Variants in PDGFD observed in about 807,000 individuals in gnomAD.
PDGFD encodes platelet-derived growth factor D.
A neutral mutation model predicts 44.7 loss-of-function variants in PDGFD; 30 were observed. The ratio of observed to expected loss-of-function variants is 0.67; its 90% confidence interval spans 0.50 to 0.91. The LOEUF is 0.91. Among genes scored for constraint, PDGFD ranks in the 40% least tolerant of loss-of-function variants. PDGFD has a pLI of 0.00. For missense variants in PDGFD, 445 were observed against 457.8 expected (o/e 0.97, Z 0.25); for synonymous variants, 173 against 168.4 (o/e 1.03, Z -0.21).
intron 1 of PDGFD, among the ~76,000 whole-genome samples, chr11:104,113,524 A>G (rs903740176): frequency 8.6e-5 from 13 of 151,782 alleles, no homozygotes; most frequent in Non-Finnish European, 1.9e-4. Context: ...GTACACAAGG[A>G]TATCTTGGTT....
chr11:103,957,503 A>C (rs958986168), intron 3 of PDGFD, among the ~76,000 whole-genome samples: 6 of 152,142 alleles, frequency 3.9e-5, no homozygotes, highest in African/African-American at 1.4e-4. Flanking sequence ...AGCATGGTAC[A>C]GGTACCAAAA....
intron 1 of PDGFD, among the ~76,000 whole-genome samples, chr11:104,017,529 C>A (rs11226114): frequency 0.023 from 3,470 of 152,134 alleles, 58 homozygotes; most frequent in South Asian, 0.042. Flanking sequence ...CTGTTCTGCC[C>A]GATCCAACAT....
intron 3 of PDGFD, among the ~76,000 whole-genome samples, chr11:103,948,160 C>T (rs1255208892): frequency 1.3e-5 from 2 of 152,152 alleles, no homozygotes; most frequent in Non-Finnish European, 2.9e-5. Flanking sequence ...TCATTATTGA[C>T]ATATAGTTGG....
chr11:103,971,503 A>G (rs183330366), intron 3 of PDGFD, among the ~76,000 whole-genome samples: 1 of 152,148 alleles, frequency 6.6e-6, no homozygotes, highest in African/African-American at 2.4e-5. Flanking sequence ...ATTTTCTCTT[A>G]CATGATAATT....
intron 6 of PDGFD, among the ~76,000 whole-genome samples, chr11:103,912,131 C>T (rs1444215982): frequency 1.3e-5 from 2 of 152,038 alleles, no homozygotes; most frequent in African/African-American, 2.4e-5. Flanking sequence ...ATGGAGAACA[C>T]CATAAAGATA....
chr11:103,922,789 C>T (rs1208029798), intron 6 of PDGFD, among the ~76,000 whole-genome samples: 3 of 151,792 alleles, frequency 2.0e-5, no homozygotes. Flanking sequence ...TATGTTGACC[C>T]GGTTGATCTT....
chr11:104,079,825 GAATT>G (rs879448214), intron 1 of PDGFD, among the ~76,000 whole-genome samples: 2 of 152,030 alleles, frequency 1.3e-5, no homozygotes, highest in Non-Finnish European at 2.9e-5. Context: ...ATCCATGAAT[GAATT>G]ATTAATGGTA....
chr11:103,950,916 T>C (rs573350143), intron 3 of PDGFD, among the ~76,000 whole-genome samples: 1 of 152,346 alleles, frequency 6.6e-6, no homozygotes, highest in East Asian at 1.9e-4. Flanking sequence ...TTTCAGTTCA[T>C]TTCCTTGCAT....
At chr11:104,089,796 C>T (rs1057044185) in intron 1 of PDGFD, among the ~76,000 whole-genome samples, 4 of 152,128 alleles carry the variant, frequency 2.6e-5, no homozygotes, top group Admixed American at 2.6e-4. Context: ...TAAATAAAAG[C>T]CTCCAAGCTA....
chr11:104,035,732 T>G (rs994846643), intron 1 of PDGFD, among the ~76,000 whole-genome samples: 9 of 152,118 alleles, frequency 5.9e-5, no homozygotes, highest in African/African-American at 2.2e-4. Flanking sequence ...ACAAAATGTC[T>G]CATCTTTCTC....
chr11:104,034,962 T>TA (rs1006051597), intron 1 of PDGFD, among the ~76,000 whole-genome samples: 6 of 151,952 alleles, frequency 3.9e-5, no homozygotes, highest in African/African-American at 1.5e-4. Flanking sequence ...TTATTAAACA[T>TA]AGAGAAAAAT....
chr11:103,934,285 C>T (rs1404240685), intron 5 of PDGFD, among the ~76,000 whole-genome samples: 3 of 152,162 alleles, frequency 2.0e-5, no homozygotes, highest in Non-Finnish European at 2.9e-5. Context: ...GGTATGCCCA[C>T]ATTATTACTG....
At chr11:104,005,003 C>A (rs1468790397) in intron 1 of PDGFD, among the ~76,000 whole-genome samples, 1 of 151,616 alleles carries the variant, frequency 6.6e-6, no homozygotes, top group South Asian at 2.1e-4. Flanking sequence ...CTCAGCCTCC[C>A]GAGTAGCTGG....
rs1338306768 is a variant in PDGFD, at chr11:103,996,224, T to C, written c.351A>G (p.Glu117=). The change falls in exon 3 of 7, where the codon GAA becomes GAG. Residue 117 remains glutamate (E), a synonymous_variant. Transcript: ENST00000393158. The stretch of plus-strand genomic sequence containing the variant: ...TAATGGTACTGGTTTCGGATATATC[T>C]TCAACTTCCACAAAATCATACCTAG... ...DICRYDFVEV[E]DISETSTIIR... is the part of the protein sequence containing the mutation. 2 of 1,611,136 alleles carry C rather than the reference T, an allele frequency of 1.2e-6. No individual in the cohort carries two copies. Among genetic ancestry groups the C allele is most frequent in the Non-Finnish European group, 1.7e-6 (2 of 1,178,736 alleles).
intron 1 of PDGFD, among the ~76,000 whole-genome samples, chr11:104,046,257 A>G (rs979153201): frequency 4.1e-5 from 6 of 147,784 alleles, no homozygotes; most frequent in African/African-American, 1.5e-4. Flanking sequence ...TGAACCAACC[A>G]GTTCTTCAAT....
At chr11:104,057,780 G>GCTA (rs1328251930) in intron 1 of PDGFD, among the ~76,000 whole-genome samples, 7 of 152,060 alleles carry the variant, frequency 4.6e-5, no homozygotes, top group African/African-American at 1.7e-4. Context: ...TTATTACAAA[G>GCTA]CTACAGTAAT....
intron 1 of PDGFD, among the ~76,000 whole-genome samples, chr11:104,045,915 G>A (rs77942836): frequency 0.012 from 1,738 of 146,754 alleles, 207 homozygotes; most frequent in Admixed American, 0.021. Flanking sequence ...TGGTTGAGGA[G>A]GGGAAGAAAC....
intron 3 of PDGFD, among the ~76,000 whole-genome samples, chr11:103,980,475 T>G (rs1859252756): frequency 6.6e-6 from 1 of 152,136 alleles, no homozygotes; most frequent in Non-Finnish European, 1.5e-5. Context: ...TAATGTGTCA[T>G]TGCTGAATAC....
At chr11:104,102,068 T>C (rs1861392822) in intron 1 of PDGFD, among the ~76,000 whole-genome samples, 1 of 152,016 alleles carries the variant, frequency 6.6e-6, no homozygotes, top group South Asian at 2.1e-4. Flanking sequence ...AAAGCCAAAA[T>C]TGACAAATGG....
Sources: allele counts gnomAD v4.1 joint callset (sites outside exome capture counted in the v4.1 genomes callset), GRCh38; gene constraint gnomAD v4.1.1; transcripts MANE v1.5; gene names NCBI Gene and HGNC (gene_info 2026-07-23, HGNC 2026-07-21).